The following POLR2B variants were observed in gnomAD, a reference collection of about 807,000 sequenced individuals.
POLR2B encodes RNA polymerase II subunit B, also known as DNA-directed RNA polymerase II subunit RPB2.
A neutral mutation model predicts 144.6 loss-of-function variants in POLR2B; 57 were observed. That is an observed-to-expected ratio of 0.39 (90% CI 0.32 to 0.49). The LOEUF is 0.49. POLR2B is among the 20% of genes least tolerant of loss of function. The probability of loss-of-function intolerance (pLI) is 0.83; values close to 1 mark genes in which losing one functional copy is unlikely to be tolerated. For synonymous variants in POLR2B, 442 were observed against 469.8 expected (o/e 0.94, Z 0.77); for missense variants, 595 against 1,467.4 (o/e 0.41, Z 9.71).
intron 7 of POLR2B, among the ~76,000 whole-genome samples, chr4:57,002,079 G>A (rs1206860137): frequency 6.6e-6 from 1 of 152,186 alleles, no homozygotes; most frequent in Non-Finnish European, 1.5e-5. Flanking sequence ...CCAGGCTGGA[G>A]TGCAGTGGTG....
At chr4:56,986,024 G>A (rs1722316662) in intron 1 of POLR2B, among the ~76,000 whole-genome samples, 1 of 152,214 alleles carries the variant, frequency 6.6e-6, no homozygotes, top group African/African-American at 2.4e-5. Context: ...GTATTGCCCA[G>A]TTGTTGGAAT....
At chr4:57,012,626 T>G (rs1723228146) in intron 13 of POLR2B, among the ~76,000 whole-genome samples, 1 of 151,862 alleles carries the variant, frequency 6.6e-6, no homozygotes, top group Non-Finnish European at 1.5e-5. Context: ...TTGGTTGTTC[T>G]GGGCCTTTTC....
intron 23 of POLR2B, 66 bp from the exon 24 acceptor site, chr4:57,030,138 C>T: frequency 8.0e-7 from 1 of 1,249,856 alleles, no homozygotes; most frequent in East Asian, 2.4e-5. Flanking sequence ...TCCACCTTTG[C>T]CATTATTCAA....
chr4:56,996,246 A>ATG (rs143954538), intron 6 of POLR2B, among the ~76,000 whole-genome samples: 11 of 62,626 alleles, frequency 1.8e-4, no homozygotes, highest in South Asian at 7.6e-4. Flanking sequence ...GTGTATGTAT[A>ATG]TGTGTGTGTG....
chr4:56,998,964 T>C (rs549328919), intron 6 of POLR2B, among the ~76,000 whole-genome samples: 1 of 152,240 alleles, frequency 6.6e-6, no homozygotes, highest in South Asian at 2.1e-4. Context: ...AGAGTGAAAT[T>C]AATATTGAAG....
At chr4:57,028,591 A>G (rs1303427546) in intron 23 of POLR2B, among the ~76,000 whole-genome samples, 1 of 152,230 alleles carries the variant, frequency 6.6e-6, no homozygotes, top group Non-Finnish European at 1.5e-5. Flanking sequence ...TATGACTGCT[A>G]GTAATGTTTG....
At position 57,017,474 on chromosome 4, in the gene POLR2B, T is replaced by A. The variant is rs1398724143; in HGVS notation, c.2155-86T>A. On this transcript the variant is annotated intron_variant, in intron 15 of 24. Transcript: ENST00000314595. The surrounding 1 kb of genome is among the most constrained non-coding windows in gnomAD (Gnocchi z 4.8). ...TGAAAAAAATCAGGAGTTTTACCAATCATATTTCTTTTGATTTATTGTCAG... is the reference window on the plus strand; with the variant it reads ...TGAAAAAAATCAGGAGTTTTACCAAACATATTTCTTTTGATTTATTGTCAG... 14 of 1,144,530 alleles carry A rather than the reference T, an allele frequency of 1.2e-5. No homozygotes were observed. The highest frequency in any genetic ancestry group is 2.6e-5 in the Admixed American group (1 of 37,880). 70.9% of individuals were successfully genotyped at this position (1,144,530 alleles called of 1,614,324 possible). A position where few individuals can be genotyped will look rare whatever the true frequency, so the allele number is the denominator to read the frequency against.
At chr4:56,987,710 G>C (rs145255558) in intron 2 of POLR2B, among the ~76,000 whole-genome samples, 1 of 152,012 alleles carries the variant, frequency 6.6e-6, no homozygotes, top group Admixed American at 6.6e-5. Context: ...GTGAAGCTCC[G>C]TCTTTACTAA....
At chr4:56,998,699 A>T (rs1400909740) in intron 6 of POLR2B, among the ~76,000 whole-genome samples, 4 of 152,244 alleles carry the variant, frequency 2.6e-5, no homozygotes, top group Admixed American at 2.6e-4. Flanking sequence ...GATAAGATCC[A>T]TGATGAAACA....
At chr4:57,018,460 A>T (rs978394433) in intron 16 of POLR2B, among the ~76,000 whole-genome samples, 20 of 152,106 alleles carry the variant, frequency 1.3e-4, no homozygotes, top group African/African-American at 4.6e-4. Context: ...GAGGAATTGG[A>T]AATACTGTTG....
chr4:57,010,999 A>AT lies in POLR2B; in HGVS notation c.1704dup (p.Val569CysfsTer2), dbSNP rs758857538. The AT allele has an allele frequency of 6.2e-7, 1 of 1,613,938 alleles. No homozygotes were observed. Among genetic ancestry groups the AT allele is most frequent in the Admixed American group, 1.7e-5 (1 of 60,030 alleles). The stretch of plus-strand genomic sequence containing the variant: ...GCTTTTTCATTGTAGTGCAACCAAG[A>AT]TTTTTGTTAATGGCTGCTGGGTTGG... On this transcript the variant is annotated frameshift_variant, in exon 13 of 25. Transcript: ENST00000314595. LOFTEE classifies it high-confidence loss of function.
chr4:56,996,226 G>GTGTGTGTGTT (rs1349140386), intron 6 of POLR2B, among the ~76,000 whole-genome samples: 6 of 143,002 alleles, frequency 4.2e-5, no homozygotes, highest in Non-Finnish European at 9.1e-5. Context: ...GTGTGTGTGT[G>GTGTGTGTGTT]TGTGTGTGTG....
At chr4:57,014,066 A>C (rs1718869) in intron 13 of POLR2B, among the ~76,000 whole-genome samples, 34,513 of 152,132 alleles carry the variant, frequency 0.23, 4,117 homozygotes, top group Middle Eastern at 0.27. Context: ...ACTTTAGAAT[A>C]CTACTCATGA....
At chr4:57,007,175 G>C (rs1224680411) in intron 10 of POLR2B, among the ~76,000 whole-genome samples, 173 bp downstream of exon 10, 3 of 152,192 alleles carry the variant, frequency 2.0e-5, no homozygotes, top group African/African-American at 7.2e-5. Context: ...TTGGGAGGCC[G>C]AGGTGGGCTG....
At chr4:56,992,065 C>G (rs1722523240) in intron 3 of POLR2B, among the ~76,000 whole-genome samples, 1 of 151,938 alleles carries the variant, frequency 6.6e-6, no homozygotes, top group Non-Finnish European at 1.5e-5. Context: ...GAGTAGATCT[C>G]TAACACCTAG....
chr4:57,003,498 A>T (rs1722916841), intron 7 of POLR2B, among the ~76,000 whole-genome samples: 1 of 152,090 alleles, frequency 6.6e-6, no homozygotes, highest in African/African-American at 2.4e-5. Flanking sequence ...TGGGAGGAGG[A>T]TTGCTTGATC....
At chr4:56,986,794 CAAAAAAAAAAA>C (rs34549456) in intron 2 of POLR2B, 3 of 139,762 alleles carry the variant, frequency 2.1e-5, no homozygotes, top group Non-Finnish European at 4.6e-5. Flanking sequence ...ACCCTGTTTC[CAAAAAAAAAAA>C]AGAATAACTG....
intron 23 of POLR2B, among the ~76,000 whole-genome samples, chr4:57,027,821 C>T (rs1045800455): frequency 2.6e-5 from 4 of 152,040 alleles, no homozygotes; most frequent in Non-Finnish European, 2.9e-5. Flanking sequence ...TGCTGAGTTA[C>T]GTAGATTTTC....
chr4:56,996,276 A>ATTTTTTT (rs1560474600), intron 6 of POLR2B, among the ~76,000 whole-genome samples: 19 of 85,566 alleles, frequency 2.2e-4, no homozygotes, highest in South Asian at 1.5e-3. Context: ...ATATATATAT[A>ATTTTTTT]TATTTTTTTT....
Sources: allele counts gnomAD v4.1 joint callset (sites outside exome capture counted in the v4.1 genomes callset), GRCh38; gene constraint gnomAD v4.1.1; non-coding constraint Gnocchi (gnomAD v3.1); transcripts MANE v1.5; gene names NCBI Gene and HGNC (gene_info 2026-07-23, HGNC 2026-07-21).